Variants in CNTN3 observed in about 807,000 individuals in gnomAD.
The protein encoded by CNTN3 is contactin-3.
In CNTN3, 60 loss-of-function variants were observed where a neutral mutation model predicts 119.1. The ratio of observed to expected loss-of-function variants is 0.50; its 90% CI spans 0.41 to 0.62. CNTN3 has a LOEUF of 0.62. CNTN3 is among the 20% of genes least tolerant of loss of function. The pLI, the probability that CNTN3 is intolerant of heterozygous loss-of-function variation, is 0.00. For missense variants in CNTN3, 1,101 were observed against 1,242.4 expected (o/e 0.89, Z 1.71); for synonymous variants, 450 against 438.7 (o/e 1.03, Z -0.32).
At chr3:74,450,517 T>TA (rs1422376685) in intron 4 of CNTN3, among the ~76,000 whole-genome samples, 16 of 145,966 alleles carry the variant, frequency 1.1e-4, no homozygotes, top group African/African-American at 4.0e-4. Context: ...TTTTTTTTTT[T>TA]AATTATTATT....
chr3:74,468,393 T>A (rs548252858), intron 4 of CNTN3, among the ~76,000 whole-genome samples: 20 of 152,254 alleles, frequency 1.3e-4, no homozygotes, highest in African/African-American at 4.3e-4. Context: ...AAATACAATT[T>A]AAAAAATTAA....
At chr3:74,368,410 G>A (rs1038387987) in intron 8 of CNTN3, among the ~76,000 whole-genome samples, 1 of 151,906 alleles carries the variant, frequency 6.6e-6, no homozygotes. Context: ...CTAGTTTTGC[G>A]ATGTTTCTAA....
At chr3:74,469,873 A>G (rs1347874407) in intron 4 of CNTN3, among the ~76,000 whole-genome samples, 3 of 152,196 alleles carry the variant, frequency 2.0e-5, no homozygotes, top group African/African-American at 7.2e-5. Flanking sequence ...AACAGTAATA[A>G]AAAAATATTC....
intron 4 of CNTN3, among the ~76,000 whole-genome samples, chr3:74,436,563 T>C (rs1347594728): frequency 6.6e-6 from 1 of 152,130 alleles, no homozygotes; most frequent in African/African-American, 2.4e-5. Flanking sequence ...AGTAACAATT[T>C]CACTGAAATT....
At chr3:74,544,941 C>A (rs1011618318) in intron 1 of CNTN3, among the ~76,000 whole-genome samples, 2 of 152,144 alleles carry the variant, frequency 1.3e-5, no homozygotes, top group African/African-American at 2.4e-5. Flanking sequence ...ATGGAAAAAT[C>A]TTGATAACAA....
intron 4 of CNTN3, among the ~76,000 whole-genome samples, chr3:74,452,090 A>G (rs1233641422): frequency 2.0e-5 from 3 of 146,392 alleles, no homozygotes; most frequent in East Asian, 4.2e-4. Flanking sequence ...CATTGAATCT[A>G]TAAATTACCT....
chr3:74,533,592 T>C (rs1295445460), intron 1 of CNTN3, among the ~76,000 whole-genome samples: 1 of 152,006 alleles, frequency 6.6e-6, no homozygotes, highest in East Asian at 1.9e-4. Context: ...TAGAAAAACA[T>C]TAACCAACAT....
intron 2 of CNTN3, among the ~76,000 whole-genome samples, chr3:74,504,655 A>G (rs1199952580): frequency 6.6e-6 from 1 of 152,134 alleles, no homozygotes; most frequent in Non-Finnish European, 1.5e-5. Flanking sequence ...ACATGTGAAA[A>G]ACTGGCTGTG....
At chr3:74,536,161 A>G (rs1003332843) in intron 1 of CNTN3, among the ~76,000 whole-genome samples, 4 of 152,002 alleles carry the variant, frequency 2.6e-5, no homozygotes, top group African/African-American at 7.2e-5. Flanking sequence ...GTCCTCATTC[A>G]TCCCTGAATG....
At chr3:74,379,600 T>A (rs544698374) in intron 5 of CNTN3, among the ~76,000 whole-genome samples, 1 of 152,314 alleles carries the variant, frequency 6.6e-6, no homozygotes, top group Admixed American at 6.5e-5. Flanking sequence ...TTGCTTGCAT[T>A]CTGTATCCTT....
At chr3:74,338,999 A>G (rs923631673) in intron 11 of CNTN3, among the ~76,000 whole-genome samples, 4 of 152,274 alleles carry the variant, frequency 2.6e-5, no homozygotes, top group Middle Eastern at 3.4e-3. Context: ...AAGATAATCA[A>G]ATAACTTAAA....
chr3:74,533,875 G>A (rs1703726581), intron 1 of CNTN3, among the ~76,000 whole-genome samples: 1 of 151,964 alleles, frequency 6.6e-6, no homozygotes, highest in Admixed American at 6.6e-5. Context: ...CACTTGCTGG[G>A]GAGGGATACA....
intron 1 of CNTN3, among the ~76,000 whole-genome samples, chr3:74,562,004 A>C (rs1704160854): frequency 6.6e-6 from 1 of 152,170 alleles, no homozygotes; most frequent in Non-Finnish European, 1.5e-5. Context: ...GATCTTTAGA[A>C]AAAACTTACA....
At chr3:74,271,693 T>TA (rs1349113525) in intron 20 of CNTN3, among the ~76,000 whole-genome samples, 1 of 152,220 alleles carries the variant, frequency 6.6e-6, no homozygotes, top group Non-Finnish European at 1.5e-5. Context: ...AGCTAGAAGT[T>TA]ACGCTTTGCA....
intron 4 of CNTN3, among the ~76,000 whole-genome samples, chr3:74,461,125 C>G (rs866889364): frequency 6.6e-6 from 1 of 151,778 alleles, no homozygotes; most frequent in Admixed American, 6.6e-5. Context: ...TTTTCTTTCC[C>G]TCGCTGATAT....
intron 11 of CNTN3, among the ~76,000 whole-genome samples, chr3:74,358,566 G>A (rs1457878968): frequency 6.7e-6 from 1 of 149,972 alleles, no homozygotes; most frequent in Non-Finnish European, 1.5e-5. Context: ...ACTCTTAAAG[G>A]GAAGGAAGTG....
chr3:74,312,750 C>T (rs1441665641), intron 13 of CNTN3, among the ~76,000 whole-genome samples: 1 of 152,078 alleles, frequency 6.6e-6, no homozygotes, highest in Non-Finnish European at 1.5e-5. Context: ...CCCTTTTACC[C>T]AGTATATCAC....
intron 3 of CNTN3, among the ~76,000 whole-genome samples, chr3:74,489,438 T>C: frequency 7.1e-6 from 1 of 141,814 alleles, no homozygotes; most frequent in Admixed American, 7.0e-5. Flanking sequence ...TTCTTTCTTT[T>C]CTTCCTTCCC....
rs564345006 is a variant in CNTN3 at position 74,552,340 on chromosome 3, G to A, written c.-80-31148C>T. ...AAGAAGTGCAACTGCTGGATCTTTC[G>A]GAAAGAGTATGCCTCATTTTTTAGG... is the stretch of plus-strand genomic sequence containing the variant. On this transcript the variant is annotated intron_variant, in intron 1 of 22. Transcript: ENST00000263665. Among the ~76,000 whole-genome samples, 9 of 152,234 alleles carry A rather than the reference G, an allele frequency of 5.9e-5. No individual in the cohort carries two copies. In the South Asian group the frequency reaches 6.2e-4, roughly 11 times the overall value.
Sources: gnomAD v4.1 joint callset for allele counts (sites outside exome capture counted in the v4.1 genomes callset) on GRCh38, gnomAD v4.1.1 for gene constraint, MANE v1.5 for transcripts, NCBI Gene and HGNC (gene_info 2026-07-23, HGNC 2026-07-21) for gene names.